The following FHIT variants were observed in gnomAD, a reference collection of about 807,000 sequenced individuals.
FHIT encodes the protein fragile histidine triad diadenosine triphosphatase.
FHIT carries 19 observed loss-of-function variants against 17.9 expected under a neutral mutation model. The observed-to-expected ratio is 1.06, with a 90% CI of 0.74 to 1.56. FHIT has a LOEUF of 1.56. FHIT is among the 40% of genes most tolerant of loss of function. FHIT has a pLI of 0.00. For missense variants in FHIT, 248 were observed against 189.2 expected, an observed-to-expected ratio of 1.31 and a Z score of -1.82; for synonymous variants, 81 against 69.7, an observed-to-expected ratio of 1.16 and a Z score of -0.81.
At chr3:59,816,828 G>GCTCA (rs751816123) in intron 8 of FHIT, among the ~76,000 whole-genome samples, 4 of 152,176 alleles carry the variant, frequency 2.6e-5, no homozygotes, top group Non-Finnish European at 4.4e-5. Flanking sequence ...ATTGTCTTAT[G>GCTCA]CTCAGGAAAC....
At chr3:60,562,717 T>C (rs1291913033) in intron 4 of FHIT, among the ~76,000 whole-genome samples, 8 of 152,156 alleles carry the variant, frequency 5.3e-5, no homozygotes, top group African/African-American at 1.9e-4. Flanking sequence ...AATCTGCACT[T>C]GACCTGACCC....
intron 1 of FHIT, among the ~76,000 whole-genome samples, chr3:61,234,740 T>C (rs1012949185): frequency 1.3e-5 from 2 of 152,214 alleles, no homozygotes; most frequent in Non-Finnish European, 1.5e-5. Flanking sequence ...TTACAGAATA[T>C]TCTGGGCCCT....
chr3:60,273,607 G>A (rs939525299), intron 5 of FHIT, among the ~76,000 whole-genome samples: 14 of 151,878 alleles, frequency 9.2e-5, no homozygotes, highest in African/African-American at 2.2e-4. Context: ...AGACTCCGTC[G>A]TCTCAAAAAA....
intron 2 of FHIT, among the ~76,000 whole-genome samples, chr3:61,172,182 T>C (rs1019970202): frequency 6.6e-6 from 1 of 152,138 alleles, no homozygotes; most frequent in Non-Finnish European, 1.5e-5. Context: ...ATTATATATA[T>C]AGTATATGTA....
intron 2 of FHIT, among the ~76,000 whole-genome samples, chr3:61,059,325 T>G (rs1045995997): frequency 5.9e-5 from 9 of 151,486 alleles, no homozygotes; most frequent in African/African-American, 1.9e-4. Context: ...TTTTGACAGA[T>G]AATGAAAGCC....
chr3:60,524,768 C>T (rs1355480721), intron 5 of FHIT, among the ~76,000 whole-genome samples: 1 of 152,132 alleles, frequency 6.6e-6, no homozygotes, highest in East Asian at 1.9e-4. Context: ...CATGTAATCT[C>T]CCTGTCTCAC....
rs183707195 is a variant in FHIT, at chr3:60,265,651, T to C, written c.104-251499A>G. Among the ~76,000 whole-genome samples, 54 of 152,024 alleles carry C rather than the reference T, an allele frequency of 3.6e-4. 1 individual carries two copies. The highest frequency in any genetic ancestry group is 1.1e-3 in the African/African-American group (45 of 41,534). ...AAGTGAGAAGACAATCAAAGAGGAA[T>C]GGGAGAAAATATATGCAAATCACAT... On this transcript the variant is annotated intron_variant, in intron 5 of 9. Transcript: ENST00000492590.
intron 5 of FHIT, among the ~76,000 whole-genome samples, chr3:60,131,050 TATAC>T (rs1306411615): frequency 4.0e-5 from 3 of 74,338 alleles, no homozygotes; most frequent in Admixed American, 1.6e-4. Flanking sequence ...TATACACATA[TATAC>T]ATACATACAC....
chr3:60,591,122 T>TA (rs1197371056), intron 4 of FHIT, among the ~76,000 whole-genome samples: 1 of 152,064 alleles, frequency 6.6e-6, no homozygotes, highest in Admixed American at 6.6e-5. Context: ...TCTGAAAAGC[T>TA]AAGCCCACTG....
At chr3:60,607,172 T>C (rs138250066) in intron 4 of FHIT, among the ~76,000 whole-genome samples, 1 of 152,254 alleles carries the variant, frequency 6.6e-6, no homozygotes, top group African/African-American at 2.4e-5. Flanking sequence ...AAATAATCAT[T>C]GATAACCACA....
At chr3:60,961,005 C>T (rs1488021213) in intron 3 of FHIT, among the ~76,000 whole-genome samples, 3 of 152,200 alleles carry the variant, frequency 2.0e-5, no homozygotes, top group Admixed American at 1.3e-4. Flanking sequence ...GAAGAATCGC[C>T]ACACTGTCTT....
chr3:60,477,121 G>A (rs535290790), intron 5 of FHIT, among the ~76,000 whole-genome samples: 1 of 151,988 alleles, frequency 6.6e-6, no homozygotes, highest in African/African-American at 2.4e-5. Flanking sequence ...ACAAAAATAA[G>A]CAATGAATTA....
intron 5 of FHIT, among the ~76,000 whole-genome samples, chr3:60,515,037 G>C (rs893183264): frequency 6.6e-6 from 1 of 151,822 alleles, no homozygotes; most frequent in Non-Finnish European, 1.5e-5. Context: ...AGTGACCTCC[G>C]ACAGACAAGG....
intron 4 of FHIT, among the ~76,000 whole-genome samples, chr3:60,667,950 T>C (rs1422790462): frequency 9.9e-5 from 15 of 152,056 alleles, no homozygotes; most frequent in Non-Finnish European, 1.5e-5. Flanking sequence ...GCCTCAGGTA[T>C]CTCTCAGTGG....
At position 61,204,112 on chromosome 3, in the gene FHIT, T is replaced by G. The variant is rs563067003; in HGVS notation, c.-212-3447A>C. 1.4e-4 allele frequency among the ~76,000 whole-genome samples: 22 copies of G among 152,332 alleles called. No homozygotes were observed. The South Asian group carries it at 4.3e-3, about 30-fold the overall frequency. On this transcript the variant is annotated intron_variant, in intron 1 of 9. Coordinates refer to ENST00000492590, the MANE Select transcript of FHIT (RefSeq NM_002012.4). The stretch of plus-strand genomic sequence containing the variant: ...AGTCACAGAAAGCTATACATATTAT[T>G]CTATTTGTATAACATTCAAAAAGGC...
intron 4 of FHIT, among the ~76,000 whole-genome samples, chr3:60,604,950 T>A (rs565753709): frequency 6.6e-6 from 1 of 152,310 alleles, no homozygotes; most frequent in East Asian, 1.9e-4. Context: ...AGGTCCATTT[T>A]AACACAAGAG....
At chr3:61,070,858 AAG>A (rs1325176805) in intron 2 of FHIT, among the ~76,000 whole-genome samples, 4 of 152,184 alleles carry the variant, frequency 2.6e-5, no homozygotes, top group African/African-American at 9.7e-5. Context: ...TCTTGGCTGC[AAG>A]AGAGTGAATT....
At chr3:61,221,318 G>C (rs576067531) in intron 1 of FHIT, among the ~76,000 whole-genome samples, 148 of 152,290 alleles carry the variant, frequency 9.7e-4, no homozygotes, top group African/African-American at 3.4e-3. Flanking sequence ...GTTCCCAATA[G>C]CACAGGTCCT....
At chr3:60,343,279 G>A (rs554174710) in intron 5 of FHIT, among the ~76,000 whole-genome samples, 55 of 152,202 alleles carry the variant, frequency 3.6e-4, no homozygotes, top group African/African-American at 1.0e-3. Flanking sequence ...CAAGTGTAGG[G>A]AATGGGGGAA....
Sources: gnomAD v4.1 joint callset for allele counts (sites outside exome capture counted in the v4.1 genomes callset) on GRCh38, gnomAD v4.1.1 for gene constraint, MANE v1.5 for transcripts, NCBI Gene and HGNC (gene_info 2026-07-23, HGNC 2026-07-21) for gene names.